The following TBCE variants were observed in gnomAD, a reference collection of about 807,000 sequenced individuals.
The protein encoded by TBCE is tubulin folding cofactor E, also known as tubulin-specific chaperone E.
A neutral mutation model predicts 77.0 loss-of-function variants in TBCE; 53 were observed. The ratio of observed to expected loss-of-function variants is 0.69; its 90% CI spans 0.55 to 0.87. TBCE has a LOEUF of 0.87. TBCE is among the 40% of genes least tolerant of loss of function. TBCE has a pLI of 0.00. For missense variants in TBCE, 624 were observed against 622.4 expected, an observed-to-expected ratio of 1.00 and a Z score of -0.03; for synonymous variants, 235 against 241.3, an observed-to-expected ratio of 0.97 and a Z score of 0.24.
chr1:235,391,392 A>G (rs1220124192), intron 2 of TBCE, among the ~76,000 whole-genome samples: 1 of 151,170 alleles, frequency 6.6e-6, no homozygotes, highest in African/African-American at 2.4e-5. Context: ...GGCTGAGGCA[A>G]GATAATTGCT....
In TBCE at chr1:235,414,541, T is replaced by C. The variant is rs1185430377; in HGVS notation, c.294T>C (p.Asp98=). The C allele has an allele frequency of 3.1e-6, 5 of 1,613,764 alleles. No homozygotes were observed. The highest frequency in any genetic ancestry group is 2.2e-5 in the East Asian group (1 of 44,874). The change falls in exon 4 of 17, where the codon GAT becomes GAC. Residue 98 remains aspartate (D), a synonymous_variant. Transcript: ENST00000642610. Reference sequence around the variant, plus strand: ...TGTTAGAAGATGGACCAGAGGAAGATAGAAAAGAGCAAATTGTTACAATTG... The same window carrying C: ...TGTTAGAAGATGGACCAGAGGAAGACAGAAAAGAGCAAATTGTTACAATTG... ...RYVLEDGPEE[D]RKEQIVTIGN... is the part of the protein sequence containing the mutation.
chr1:235,407,473 C>G (rs1220965767), intron 3 of TBCE, among the ~76,000 whole-genome samples: 1 of 152,134 alleles, frequency 6.6e-6, no homozygotes, highest in Non-Finnish European at 1.5e-5. Context: ...AGCTGGCTAG[C>G]AAGCTCTGAT....
At chr1:235,396,485 T>C (rs1678727591) in intron 2 of TBCE, among the ~76,000 whole-genome samples, 1 of 152,194 alleles carries the variant, frequency 6.6e-6, no homozygotes, top group South Asian at 2.1e-4. Flanking sequence ...ATACTGGTTT[T>C]CTTTCTTTTT....
At chr1:235,372,783 G>A (rs767926585) in intron 1 of TBCE, among the ~76,000 whole-genome samples, 1 of 151,884 alleles carries the variant, frequency 6.6e-6, no homozygotes, top group Non-Finnish European at 1.5e-5. Flanking sequence ...AATTAGCCGG[G>A]CGTGGTGGTG....
At chr1:235,396,458 GC>G (rs1678725072) in intron 2 of TBCE, among the ~76,000 whole-genome samples, 1 of 152,196 alleles carries the variant, frequency 6.6e-6, no homozygotes, top group Non-Finnish European at 1.5e-5. Context: ...ACATAGGAGT[GC>G]AGATGTCTCT....
At chr1:235,438,734 T>C in intron 12 of TBCE, 35 bp from the exon 13 acceptor site, 1 of 1,614,078 alleles carries the variant, frequency 6.2e-7, no homozygotes, top group South Asian at 1.1e-5. Context: ...AAAAAAGCTT[T>C]GTAATAGGCT....
rs1572473523 is a variant in TBCE, at chr1:235,449,853, A to G, written c.*1091A>G. The G allele has an allele frequency of 1.0e-5, 2 of 191,592 alleles. No homozygotes were observed. The highest frequency in any genetic ancestry group is 2.0e-4 in the South Asian group (2 of 10,138). The allele number at this position is 191,592 out of a possible 1,614,324, so 11.9% of individuals were successfully genotyped here. ...TTCAAACTCTCAGTTACTACTACAG[A>G]TTTCTGAACTAGGCCAAGTTTTAAC... is the stretch of plus-strand genomic sequence containing the variant. On this transcript the variant is annotated 3_prime_UTR_variant, in exon 17 of 17. Transcript: ENST00000642610.
chr1:235,434,223 G>T lies in TBCE; in HGVS notation c.680G>T (p.Gly227Val), dbSNP rs1437322929. Residue 227 changes from glycine (G) to valine (V), a missense_variant, in exon 8 of 17, where the codon GGG (glycine) becomes GTG (valine). Gly to Val is a moderately radical substitution (Grantham distance 109). Coordinates refer to ENST00000642610, the MANE Select transcript of TBCE (RefSeq NM_003193.5). ...TTCCAGGTGCTGCGGTGTGTCGCGG[G>T]GTGCCCAGGCCTGGAGGAACTCTAC... ...TWAEVLRCVA[G>V]CPGLEELYLE... 6.2e-7 allele frequency: 1 copy of T among 1,613,994 alleles called. No individual in the cohort carries two copies. The highest frequency in any genetic ancestry group is 1.7e-5 in the Admixed American group (1 of 59,986).
At chr1:235,396,774 G>A (rs887688180) in intron 2 of TBCE, among the ~76,000 whole-genome samples, 4 of 152,110 alleles carry the variant, frequency 2.6e-5, no homozygotes, top group Non-Finnish European at 5.9e-5. Flanking sequence ...CCATTTGTAT[G>A]CCTTCCTTTG....
chr1:235,395,431 A>T (rs538392238), intron 2 of TBCE, among the ~76,000 whole-genome samples: 1 of 152,170 alleles, frequency 6.6e-6, no homozygotes, highest in East Asian at 1.9e-4. Context: ...CTGTCATGCT[A>T]TCAAACACTA....
intron 4 of TBCE, chr1:235,419,198 C>T (rs1680258641): frequency 6.0e-6 from 3 of 501,606 alleles, no homozygotes; most frequent in African/African-American, 3.9e-5. Context: ...CACAACGAGA[C>T]TCTGGCTAAA....
chr1:235,403,209 C>G (rs949580890), intron 3 of TBCE, among the ~76,000 whole-genome samples: 2 of 151,912 alleles, frequency 1.3e-5, no homozygotes, highest in Admixed American at 1.3e-4. Flanking sequence ...AGTGAAAGGA[C>G]TTTTTTCTTT....
chr1:235,431,946 A>G (rs1681124540), intron 7 of TBCE, among the ~76,000 whole-genome samples: 1 of 149,946 alleles, frequency 6.7e-6, no homozygotes, highest in East Asian at 2.0e-4. Flanking sequence ...TCCTGGGATT[A>G]CAGGCGTGAG....
At chr1:235,437,742 C>T (rs1295567021) in intron 12 of TBCE, among the ~76,000 whole-genome samples, 1 of 151,454 alleles carries the variant, frequency 6.6e-6, no homozygotes, top group Non-Finnish European at 1.5e-5. Context: ...ATCACCTGAG[C>T]CCGGGAGGCC....
Position 235,435,658 on chromosome 1 carries a change from C to T in TBCE, c.738-87C>T, listed in dbSNP as rs2055127. On this transcript the variant is annotated intron_variant, in intron 8 of 16. Coordinates refer to ENST00000642610, the MANE Select transcript of TBCE (RefSeq NM_003193.5). ...TTGCTTCTTATCCCCAGCCCTCCAT[C>T]GCACCAAATGCAGGGATTTTAAGGC... The T allele has an allele frequency of 0.52, 672,286 of 1,302,534 alleles. 174,820 individuals are homozygous for T. Among genetic ancestry groups the T allele is most frequent in the East Asian group, 0.62 (26,834 of 43,240 alleles). The allele number at this position is 1,302,534 out of a possible 1,614,324, so 80.7% of individuals were successfully genotyped here.
At chr1:235,401,693 T>C in intron 3 of TBCE, 106 bp downstream of exon 3, 1 of 958,212 alleles carries the variant, frequency 1.0e-6, no homozygotes, top group Non-Finnish European at 1.7e-6. Flanking sequence ...GGAGTAGTTA[T>C]ATTATGGAAT....
chr1:235,436,289 C>A, intron 9 of TBCE, 97 bp from the exon 10 acceptor site: 1 of 1,155,160 alleles, frequency 8.7e-7, no homozygotes, highest in Non-Finnish European at 1.3e-6. Flanking sequence ...ATTAAAAACC[C>A]AGGGTGTAGG....
intron 3 of TBCE, among the ~76,000 whole-genome samples, chr1:235,405,219 T>C (rs188574859): frequency 2.0e-5 from 3 of 152,172 alleles, no homozygotes; most frequent in Admixed American, 2.0e-4. Context: ...TGCCTTGGCT[T>C]CCCAAATTGC....
intron 6 of TBCE, chr1:235,430,491 T>A: frequency 2.2e-6 from 1 of 446,014 alleles, no homozygotes; most frequent in South Asian, 2.2e-5. Flanking sequence ...TTTACACAGC[T>A]GATACCAAAA....
Sources: gnomAD v4.1 joint callset for allele counts (sites outside exome capture counted in the v4.1 genomes callset) on GRCh38, gnomAD v4.1.1 for gene constraint, MANE v1.5 for transcripts, NCBI Gene and HGNC (gene_info 2026-07-23, HGNC 2026-07-21) for gene names.